PDE4D: variants seen among roughly 807,000 people sequenced by gnomAD.
The protein encoded by PDE4D is phosphodiesterase 4D.
In PDE4D, 24 loss-of-function variants were observed where a neutral mutation model predicts 87.4. The ratio of observed to expected loss-of-function variants is 0.27; its 90% CI spans 0.20 to 0.39. The LOEUF is 0.39. PDE4D is among the 10% of genes least tolerant of loss of function. PDE4D has a pLI of 1.00. For missense variants in PDE4D, 714 were observed against 1,041.0 expected (o/e 0.69, Z 4.32); for synonymous variants, 384 against 383.2 (o/e 1.00, Z -0.02).
chr5:60,292,887 A>G (rs1488985941), intron 1 of PDE4D, among the ~76,000 whole-genome samples: 1 of 152,134 alleles, frequency 6.6e-6, no homozygotes, highest in East Asian at 1.9e-4. Flanking sequence ...CATATGACTA[A>G]TTTTGAACTA....
chr5:60,068,116 A>ATTT (rs563476804), intron 2 of PDE4D, among the ~76,000 whole-genome samples: 270 of 152,304 alleles, frequency 1.8e-3, no homozygotes, highest in Admixed American at 2.9e-3. Flanking sequence ...ATGTAATTGC[A>ATTT]TTTTTAAATG....
chr5:59,201,002 A>T (rs1307417600), intron 2 of PDE4D, among the ~76,000 whole-genome samples: 1 of 152,138 alleles, frequency 6.6e-6, no homozygotes, highest in Non-Finnish European at 1.5e-5. Flanking sequence ...TTATTCTTTT[A>T]AAATATTGTT....
chr5:59,177,407 A>C (rs1325759069), intron 5 of PDE4D, among the ~76,000 whole-genome samples: 2 of 152,230 alleles, frequency 1.3e-5, no homozygotes, highest in Admixed American at 6.5e-5. Context: ...CCTAGAAACA[A>C]AACCAAGTAA....
intron 1 of PDE4D, among the ~76,000 whole-genome samples, chr5:59,542,372 G>T (rs1816507228): frequency 6.6e-6 from 1 of 152,088 alleles, no homozygotes; most frequent in Non-Finnish European, 1.5e-5. Flanking sequence ...GATGGAGGAA[G>T]GGCAAAAAGA....
At chr5:59,191,006 G>T (rs1340507978) in intron 3 of PDE4D, among the ~76,000 whole-genome samples, 1 of 152,096 alleles carries the variant, frequency 6.6e-6, no homozygotes, top group East Asian at 1.9e-4. Context: ...CATAAGCAAA[G>T]ACTTAATATA....
chr5:59,520,884 TATAC>T (rs1812097194), intron 1 of PDE4D, among the ~76,000 whole-genome samples: 1 of 116,420 alleles, frequency 8.6e-6, no homozygotes, highest in African/African-American at 5.4e-5. Context: ...CATATACATA[TATAC>T]ACATATATAC....
At chr5:60,143,566 G>A (rs1392177365) in intron 2 of PDE4D, among the ~76,000 whole-genome samples, 3 of 150,244 alleles carry the variant, frequency 2.0e-5, no homozygotes, top group Non-Finnish European at 2.9e-5. Context: ...GTCCTAACCT[G>A]AGTTCTGGTA....
intron 1 of PDE4D, among the ~76,000 whole-genome samples, chr5:59,724,703 G>T (rs1186102679): frequency 1.3e-5 from 2 of 152,078 alleles, no homozygotes; most frequent in Non-Finnish European, 2.9e-5. Flanking sequence ...CCACCAGGTG[G>T]TGACATAATG....
intron 1 of PDE4D, among the ~76,000 whole-genome samples, chr5:59,306,630 T>C (rs992116117): frequency 2.6e-5 from 4 of 151,810 alleles, no homozygotes; most frequent in South Asian, 2.1e-4. Context: ...GAGAATAAAA[T>C]ACCTATGAAT....
At chr5:60,383,987 A>G (rs1404369270) in intron 1 of PDE4D, among the ~76,000 whole-genome samples, 2 of 152,222 alleles carry the variant, frequency 1.3e-5, no homozygotes, top group African/African-American at 4.8e-5. Context: ...GTCTAACTCT[A>G]CAGACCAGAT....
At chr5:59,827,429 A>T (rs1561726057) in intron 1 of PDE4D, among the ~76,000 whole-genome samples, 1 of 152,162 alleles carries the variant, frequency 6.6e-6, no homozygotes, top group Non-Finnish European at 1.5e-5. Context: ...GATCACAGAT[A>T]CTAAAATTAA....
intron 1 of PDE4D, among the ~76,000 whole-genome samples, chr5:60,268,227 C>T (rs1057175319): frequency 2.6e-5 from 4 of 152,194 alleles, no homozygotes; most frequent in African/African-American, 9.7e-5. Context: ...TTCATCATGC[C>T]TGTTTACAAC....
At chr5:59,226,578 G>T (rs1300570300) in intron 1 of PDE4D, among the ~76,000 whole-genome samples, 1 of 152,118 alleles carries the variant, frequency 6.6e-6, no homozygotes, top group Non-Finnish European at 1.5e-5. Flanking sequence ...GTACAACATT[G>T]TGCTAACAGC....
chr5:59,865,573 T>C (rs1440104032), intron 1 of PDE4D, among the ~76,000 whole-genome samples: 3 of 152,200 alleles, frequency 2.0e-5, no homozygotes, highest in Non-Finnish European at 4.4e-5. Flanking sequence ...GTCACCATAA[T>C]ATTCTGACTA....
At chr5:58,985,825 G>A (rs930907315) in intron 11 of PDE4D, among the ~76,000 whole-genome samples, 5 of 152,136 alleles carry the variant, frequency 3.3e-5, no homozygotes, top group African/African-American at 1.2e-4. Context: ...AATATTTCAC[G>A]AAGCTACATA....
At chr5:59,645,158 G>T (rs186296540) in intron 1 of PDE4D, among the ~76,000 whole-genome samples, 2 of 152,282 alleles carry the variant, frequency 1.3e-5, no homozygotes, top group East Asian at 3.9e-4. Context: ...TAACTGTAAG[G>T]ACAGCTTCTG....
intron 1 of PDE4D, among the ~76,000 whole-genome samples, chr5:60,360,338 A>T (rs1490673384): frequency 6.6e-6 from 1 of 152,256 alleles, no homozygotes; most frequent in Non-Finnish European, 1.5e-5. Context: ...TAACATGATG[A>T]CAGCATTAAT....
intron 5 of PDE4D, among the ~76,000 whole-genome samples, chr5:59,078,157 A>G (rs1766037752): frequency 6.6e-6 from 1 of 152,186 alleles, no homozygotes; most frequent in African/African-American, 2.4e-5. Context: ...TATGCACGAC[A>G]ATGTTTAGTG....
At chr5:60,219,329 A>G (rs1045610617) in intron 1 of PDE4D, among the ~76,000 whole-genome samples, 17 of 152,150 alleles carry the variant, frequency 1.1e-4, no homozygotes, top group Non-Finnish European at 2.1e-4. Flanking sequence ...AGAAGTGACA[A>G]TTGCTACTGG....
Sources: allele counts gnomAD v4.1 joint callset (sites outside exome capture counted in the v4.1 genomes callset), GRCh38; gene constraint gnomAD v4.1.1; transcripts MANE v1.5; gene names NCBI Gene and HGNC (gene_info 2026-07-23, HGNC 2026-07-21).